Variants in PLD5 observed in about 807,000 individuals in gnomAD.
The protein encoded by PLD5 is phospholipase D family member 5, also known as inactive phospholipase D5.
PLD5 carries 36 observed loss-of-function variants against 61.1 expected under a neutral mutation model. The ratio of observed to expected loss-of-function variants is 0.59; its 90% CI spans 0.45 to 0.78. The LOEUF (loss-of-function observed/expected upper bound fraction) is 0.78, where lower values mean the gene tolerates loss of function less well. Among genes scored for constraint, PLD5 ranks in the 30% least tolerant of loss-of-function variants. The pLI is 0.00. For synonymous variants in PLD5, 243 were observed against 242.8 expected (o/e 1.00, Z -0.01); for missense variants, 515 against 644.4 (o/e 0.80, Z 2.17).
chr1:242,255,065 C>T (rs1270515396), intron 4 of PLD5, among the ~76,000 whole-genome samples: 3 of 152,146 alleles, frequency 2.0e-5, no homozygotes, highest in Non-Finnish European at 2.9e-5. Flanking sequence ...CCGGGGTGAC[C>T]GTTGGGGCAC....
chr1:242,303,813 A>G (rs1676194362), intron 2 of PLD5, among the ~76,000 whole-genome samples: 1 of 152,220 alleles, frequency 6.6e-6, no homozygotes, highest in African/African-American at 2.4e-5. Context: ...ACTCTGCTCT[A>G]TCATTGTTCA....
At chr1:242,434,544 G>T (rs1377937641) in intron 1 of PLD5, among the ~76,000 whole-genome samples, 1 of 152,190 alleles carries the variant, frequency 6.6e-6, no homozygotes. Context: ...CGTATAGATG[G>T]TGTTCTGAGA....
At chr1:242,242,342 G>C (rs1036390843) in intron 4 of PLD5, among the ~76,000 whole-genome samples, 1 of 152,254 alleles carries the variant, frequency 6.6e-6, no homozygotes, top group African/African-American at 2.4e-5. Context: ...AGCCTGTCTT[G>C]CTGAGAGCAA....
chr1:242,422,266 A>C (rs919266310), intron 1 of PLD5, among the ~76,000 whole-genome samples: 1 of 152,198 alleles, frequency 6.6e-6, no homozygotes, highest in Non-Finnish European at 1.5e-5. Context: ...AAACTGCCAG[A>C]TTCATGGCAA....
At chr1:242,186,225 C>T (rs2148914995) in intron 5 of PLD5, among the ~76,000 whole-genome samples, 1 of 151,958 alleles carries the variant, frequency 6.6e-6, no homozygotes, top group African/African-American at 2.4e-5. Context: ...CTCTGTCACC[C>T]AGGCTGGAGT....
intron 5 of PLD5, among the ~76,000 whole-genome samples, chr1:242,132,081 T>G (rs1323791082): frequency 6.6e-6 from 1 of 151,548 alleles, no homozygotes; most frequent in Non-Finnish European, 1.5e-5. Flanking sequence ...TCTGCCCACC[T>G]CAGCCTCCTA....
chr1:242,335,445 T>C (rs1390715115), intron 2 of PLD5, among the ~76,000 whole-genome samples: 1 of 152,202 alleles, frequency 6.6e-6, no homozygotes, highest in African/African-American at 2.4e-5. Context: ...CTAGATCCTT[T>C]TGTAGTAAGA....
At chr1:242,434,848 C>T (rs1389296533) in intron 1 of PLD5, among the ~76,000 whole-genome samples, 4 of 152,144 alleles carry the variant, frequency 2.6e-5, no homozygotes, top group Admixed American at 2.0e-4. Flanking sequence ...CTCCTGACCT[C>T]GTGATCTGCC....
intron 1 of PLD5, among the ~76,000 whole-genome samples, chr1:242,499,328 T>A (rs1558150068): frequency 6.6e-6 from 1 of 152,182 alleles, no homozygotes; most frequent in Non-Finnish European, 1.5e-5. Context: ...GCAGAAAGAA[T>A]AATAATTGCA....
At chr1:242,310,293 G>T (rs1376390852) in intron 2 of PLD5, among the ~76,000 whole-genome samples, 1 of 152,130 alleles carries the variant, frequency 6.6e-6, no homozygotes, top group African/African-American at 2.4e-5. Context: ...TGTACAGACC[G>T]CCTGTGACTC....
chr1:242,177,419 G>A (rs1008000556), intron 5 of PLD5, among the ~76,000 whole-genome samples: 3 of 152,156 alleles, frequency 2.0e-5, no homozygotes, highest in East Asian at 1.9e-4. Context: ...CTGTTGGGTG[G>A]TAGGGGGCTA....
chr1:242,419,572 ATTTT>A (rs767869905), intron 1 of PLD5, among the ~76,000 whole-genome samples: 5 of 97,090 alleles, frequency 5.1e-5, no homozygotes, highest in Non-Finnish European at 5.5e-5. Context: ...AATTTTTTGC[ATTTT>A]TTTTTTTTTT....
chr1:242,172,969 C>A (rs1666857703), intron 5 of PLD5, among the ~76,000 whole-genome samples: 1 of 152,140 alleles, frequency 6.6e-6, no homozygotes, highest in Admixed American at 6.6e-5. Context: ...GAGCTGGTAC[C>A]ATTCCTTCTG....
At chr1:242,492,536 AG>A (rs1273731008) in intron 1 of PLD5, among the ~76,000 whole-genome samples, 10 of 151,646 alleles carry the variant, frequency 6.6e-5, no homozygotes, top group African/African-American at 2.2e-4. Flanking sequence ...AAAAAAAAAA[AG>A]AAAAGAGATA....
intron 4 of PLD5, among the ~76,000 whole-genome samples, chr1:242,257,958 G>A (rs2149093382): frequency 6.6e-6 from 1 of 152,174 alleles, no homozygotes; most frequent in Non-Finnish European, 1.5e-5. Flanking sequence ...TTAGAACCAA[G>A]CTCTCATGAT....
rs562499573 is a variant in PLD5 at position 242,109,691 on chromosome 1, C to T, written c.1071-1852G>A. ...CACTGGGAAAATTTTTCACCCTTTTCTGACAAATTCCTCATTATTTTTTTT... is the reference window on the plus strand; with the variant it reads ...CACTGGGAAAATTTTTCACCCTTTTTTGACAAATTCCTCATTATTTTTTTT... On this transcript the variant is annotated intron_variant, in intron 7 of 9. Coordinates refer to ENST00000536534, the MANE Select transcript of PLD5 (RefSeq NM_001372062.1). Among the ~76,000 whole-genome samples, 4 of 152,232 alleles carry T rather than the reference C, an allele frequency of 2.6e-5. No individual in the cohort carries two copies. In the South Asian group the frequency reaches 6.2e-4, roughly 24 times the overall value.
the PLD5 span, among the ~76,000 whole-genome samples, chr1:242,529,777 A>G: frequency 1.3e-5 from 1 of 74,398 alleles, no homozygotes. Context: ...TGGCACTGGG[A>G]TCTTCCTTCC....
chr1:242,195,647 C>T (rs755364037), intron 5 of PLD5, among the ~76,000 whole-genome samples: 3 of 152,304 alleles, frequency 2.0e-5, no homozygotes, highest in East Asian at 1.9e-4. Flanking sequence ...AGGCCAGCTC[C>T]TCGGCCACTG....
At chr1:242,169,626 G>A (rs532234240) in intron 5 of PLD5, among the ~76,000 whole-genome samples, 9 of 152,268 alleles carry the variant, frequency 5.9e-5, no homozygotes, top group South Asian at 4.2e-4. Flanking sequence ...GAGCCAAGTG[G>A]TCTGGTTCAG....
Sources: allele counts gnomAD v4.1 joint callset (sites outside exome capture counted in the v4.1 genomes callset), GRCh38; gene constraint gnomAD v4.1.1; transcripts MANE v1.5; gene names NCBI Gene and HGNC (gene_info 2026-07-23, HGNC 2026-07-21).